Variants in LGR6 observed in about 807,000 individuals in gnomAD.
The protein encoded by LGR6 is leucine rich repeat containing G protein-coupled receptor 6.
Under a neutral mutation model 69.4 loss-of-function variants are expected in LGR6, and 45 were observed. The ratio of observed to expected loss-of-function variants is 0.65; its 90% confidence interval spans 0.51 to 0.83. The LOEUF is 0.83. Among genes scored for constraint, LGR6 ranks in the 40% least tolerant of loss-of-function variants. LGR6 has a pLI of 0.00. For synonymous variants in LGR6, 538 were observed against 555.0 expected, an observed-to-expected ratio of 0.97 and a Z score of 0.43; for missense variants, 1,108 against 1,246.7, an observed-to-expected ratio of 0.89 and a Z score of 1.68.
At chr1:202,253,466 C>G (rs1663448500) in intron 4 of LGR6, among the ~76,000 whole-genome samples, 2 of 151,128 alleles carry the variant, frequency 1.3e-5, no homozygotes, top group Admixed American at 1.3e-4. Flanking sequence ...CCATGCCTGG[C>G]TAATTTTTTG....
intron 4 of LGR6, among the ~76,000 whole-genome samples, chr1:202,253,737 T>C (rs1183537356): frequency 1.4e-5 from 2 of 141,298 alleles, no homozygotes; most frequent in African/African-American, 5.3e-5. Flanking sequence ...CAAGCGATTC[T>C]CCTGCCTCAG....
intron 6 of LGR6, among the ~76,000 whole-genome samples, chr1:202,286,980 C>G (rs774928080): frequency 2.0e-5 from 3 of 152,134 alleles, no homozygotes; most frequent in Admixed American, 6.5e-5. Context: ...AACTCTACCC[C>G]CTCTGCCGAC....
At chr1:202,260,794 T>C (rs1406376882) in intron 4 of LGR6, among the ~76,000 whole-genome samples, 2 of 152,228 alleles carry the variant, frequency 1.3e-5, no homozygotes, top group African/African-American at 2.4e-5. Flanking sequence ...TTGTGGCCAA[T>C]ATAAAATTAT....
At chr1:202,203,539 G>T (rs919894834) in intron 1 of LGR6, among the ~76,000 whole-genome samples, 40 of 152,012 alleles carry the variant, frequency 2.6e-4, no homozygotes, top group African/African-American at 8.2e-4. Context: ...TGAGGAGCAA[G>T]CATTCATTCA....
intron 7 of LGR6, among the ~76,000 whole-genome samples, chr1:202,299,441 A>T (rs1667414258): frequency 6.6e-6 from 1 of 152,108 alleles, no homozygotes; most frequent in Non-Finnish European, 1.5e-5. Context: ...ATAATAAAAC[A>T]TTAGGGAAGA....
At chr1:202,221,684 C>A (rs996311133) in intron 1 of LGR6, among the ~76,000 whole-genome samples, 6 of 152,178 alleles carry the variant, frequency 3.9e-5, no homozygotes, top group African/African-American at 1.4e-4. Context: ...ACATGACACA[C>A]ACATGCCCAG....
intron 7 of LGR6, among the ~76,000 whole-genome samples, 159 bp downstream of exon 7, chr1:202,297,735 A>G (rs788825): frequency 0.48 from 69,220 of 144,744 alleles, 17,462 homozygotes; most frequent in East Asian, 0.73. Context: ...CCAAGCCCCA[A>G]TGCAGCTCTA....
intron 1 of LGR6, among the ~76,000 whole-genome samples, chr1:202,209,683 T>G (rs1294818955): frequency 6.6e-6 from 1 of 152,242 alleles, no homozygotes; most frequent in Non-Finnish European, 1.5e-5. Context: ...TGGATTCCCT[T>G]GGATATCCTA....
intron 1 of LGR6, among the ~76,000 whole-genome samples, chr1:202,203,515 C>T (rs184853695): frequency 2.0e-5 from 3 of 152,306 alleles, no homozygotes; most frequent in Non-Finnish European, 4.4e-5. Context: ...GCCACTTGAA[C>T]TCCCAGGCTG....
intron 4 of LGR6, among the ~76,000 whole-genome samples, chr1:202,270,310 T>G (rs1324611004): frequency 6.6e-6 from 1 of 151,978 alleles, no homozygotes; most frequent in Non-Finnish European, 1.5e-5. Flanking sequence ...TGGCGCGATC[T>G]CGGCTCACTG....
At chr1:202,249,042 C>G (rs1247616007) in intron 4 of LGR6, among the ~76,000 whole-genome samples, 2 of 152,174 alleles carry the variant, frequency 1.3e-5, no homozygotes, top group African/African-American at 4.8e-5. Context: ...CAGGTACCTT[C>G]CTCAGGCTGA....
In LGR6 at chr1:202,318,891, C is replaced by T. The variant is rs368839488; in HGVS notation, c.2588C>T (p.Ser863Phe). The change falls in exon 18 of 18, where the codon TCC (serine) becomes TTC (phenylalanine). Residue 863 changes from serine (S) to phenylalanine (F), a missense_variant. By Grantham distance (155) the Ser-to-Phe change is radical (BLOSUM62 -2). Transcript: ENST00000367278. ...YAAAGELEKS[S>F]CDSTQALVAF... ...GCGGCCGGGGAGCTGGAGAAGAGCT[C>T]CTGTGATTCTACCCAGGCCCTGGTA... The T allele has an allele frequency of 8.7e-5, 141 of 1,613,964 alleles. No individual in the cohort carries two copies. The highest frequency in any genetic ancestry group is 1.1e-4 in the Non-Finnish European group (131 of 1,179,992).
intron 1 of LGR6, among the ~76,000 whole-genome samples, chr1:202,220,877 TCA>T (rs1482890203): frequency 2.0e-5 from 3 of 151,660 alleles, no homozygotes; most frequent in Non-Finnish European, 4.4e-5. Context: ...ACACATACAC[TCA>T]CACACATTCA....
intron 3 of LGR6, among the ~76,000 whole-genome samples, chr1:202,230,306 ATCT>A (rs959006116): frequency 7.3e-5 from 11 of 150,878 alleles, no homozygotes; most frequent in South Asian, 6.3e-4. Flanking sequence ...TACTCTTAAG[ATCT>A]TCTTCTTCTG....
Position 202,319,352 on chromosome 1 carries a change from C to G in LGR6, c.*145C>G, listed in dbSNP as rs1452600376. On this transcript the variant is annotated 3_prime_UTR_variant, in exon 18 of 18. Coordinates refer to ENST00000367278, the MANE Select transcript of LGR6 (RefSeq NM_001017403.2). ...GCCCAGTCCCTGGCTCCACTGATCA[C>G]CTCTCTCCTGTGACCATCACCAACG... 2.0e-5 allele frequency: 18 copies of G among 888,538 alleles called. No individual in the cohort carries two copies. Among genetic ancestry groups the G allele is most frequent in the Non-Finnish European group, 2.8e-5 (17 of 607,948 alleles). 55.0% of individuals were successfully genotyped at this position (888,538 alleles called of 1,614,324 possible).
intron 6 of LGR6, among the ~76,000 whole-genome samples, chr1:202,289,594 A>T (rs888240749): frequency 1.2e-4 from 19 of 152,332 alleles, no homozygotes; most frequent in African/African-American, 4.6e-4. Context: ...GAAGCTAATG[A>T]CAGCTTTACT....
At chr1:202,215,024 C>T (rs961752697) in intron 1 of LGR6, among the ~76,000 whole-genome samples, 5 of 104,524 alleles carry the variant, frequency 4.8e-5, no homozygotes, top group East Asian at 3.8e-4. Context: ...TGTGTGTGCG[C>T]GCGCGCGCGT....
intron 1 of LGR6, among the ~76,000 whole-genome samples, chr1:202,215,713 C>T (rs148149916): frequency 6.6e-6 from 1 of 152,316 alleles, no homozygotes; most frequent in Non-Finnish European, 1.5e-5. Flanking sequence ...AGGTGGGATG[C>T]CCACCCCTCG....
At chr1:202,311,779 T>C (rs1196807720) in intron 16 of LGR6, among the ~76,000 whole-genome samples, 2 of 152,258 alleles carry the variant, frequency 1.3e-5, no homozygotes, top group African/African-American at 2.4e-5. Context: ...TACTGAGGAC[T>C]GGTGCCTTCT....
Sources: allele counts gnomAD v4.1 joint callset (sites outside exome capture counted in the v4.1 genomes callset), GRCh38; gene constraint gnomAD v4.1.1; transcripts MANE v1.5; gene names NCBI Gene and HGNC (gene_info 2026-07-23, HGNC 2026-07-21).